Variants in MSL1 observed in about 807,000 individuals in gnomAD.
The protein encoded by MSL1 is MSL complex subunit 1.
Under a neutral mutation model 64.6 loss-of-function variants are expected in MSL1, and 21 were observed. That is an observed-to-expected ratio of 0.33 (90% CI 0.23 to 0.47). The LOEUF (loss-of-function observed/expected upper bound fraction) is 0.47, where lower values mean the gene tolerates loss of function less well. Ranked by LOEUF, MSL1 falls within the 20% of genes least tolerant of loss-of-function variation. The pLI is 1.00. For synonymous variants in MSL1, 339 were observed against 329.6 expected, an observed-to-expected ratio of 1.03 and a Z score of -0.31; for missense variants, 664 against 793.2, an observed-to-expected ratio of 0.84 and a Z score of 1.96.
chr17:40,126,560 G>A (rs1988320314), intron 2 of MSL1, 154 bp downstream of exon 2: 2 of 694,840 alleles, frequency 2.9e-6, no homozygotes, highest in East Asian at 2.7e-5. Context: ...TGTAATCCCA[G>A]CACTTTGGGA....
chr17:40,126,977 A>G (rs1988332024), intron 2 of MSL1: 2 of 153,084 alleles, frequency 1.3e-5, no homozygotes, highest in South Asian at 4.1e-4. Flanking sequence ...TTAAAACTAT[A>G]GCAGTTCACT....
chr17:40,136,763 T>C lies in MSL1; in HGVS notation c.*2394T>C, dbSNP rs1988547716. ...TGTAAATATCTTATAAAGAGTTCAA[T>C]TGTAAATAAACTATTGTGGCTGTTA... On this transcript the variant is annotated 3_prime_UTR_variant, in exon 9 of 9. Transcript: ENST00000398532. The C allele has an allele frequency of 6.6e-6, 1 of 152,390 alleles. No homozygotes were observed. The highest frequency in any genetic ancestry group is 2.4e-5 in the African/African-American group (1 of 41,458). The allele number at this position is 152,390 out of a possible 1,614,324, so 9.4% of individuals were successfully genotyped here. A position where few individuals can be genotyped will look rare whatever the true frequency, so the allele number is the denominator to read the frequency against.
chr17:40,124,825 C>G (rs1031541796), intron 1 of MSL1: 1 of 152,208 alleles, frequency 6.6e-6, no homozygotes, highest in African/African-American at 2.4e-5. Context: ...TAGGGGGGTT[C>G]TCTGCTGATT....
In MSL1 at chr17:40,132,994, A is replaced by G. The variant is rs1293546716; in HGVS notation, c.1489-48A>G. 4 of 1,541,446 alleles carry G rather than the reference A, an allele frequency of 2.6e-6. No individual in the cohort carries two copies. The South Asian group carries it at 4.7e-5, about 18-fold the overall frequency. ...GGAAATTAGTTAGTATATGTGTGTA[A>G]CTAATATATGGTGATAAATAGCTTA... On this transcript the variant is annotated intron_variant, in intron 5 of 8. Transcript: ENST00000398532.
chr17:40,136,691 A>G lies in MSL1; in HGVS notation c.*2322A>G, dbSNP rs1464446602. The G allele has an allele frequency of 2.0e-5, 3 of 152,334 alleles. No homozygotes were observed. 9.4% of individuals were successfully genotyped at this position (152,334 alleles called of 1,614,324 possible). On this transcript the variant is annotated 3_prime_UTR_variant, in exon 9 of 9. Coordinates refer to ENST00000398532, the MANE Select transcript of MSL1 (RefSeq NM_001365919.1). ...CATTTCATATTGTTGTCTGTGTTGT[A>G]ATTCATAACTTTTGATACCATTTCT...
rs112133915 is a variant in MSL1 at position 40,135,839 on chromosome 17, T to TTGTGTGTG, written c.*1487_*1494dup. On this transcript the variant is annotated 3_prime_UTR_variant, in exon 9 of 9. Coordinates refer to ENST00000398532, the MANE Select transcript of MSL1 (RefSeq NM_001365919.1). ...GATCTTGCTGCTCTTATTTCTCCTT[T>TTGTGTGTG]TGTGTGTGTGTGTGTGTGTGTGTGG... 6.7e-6 allele frequency: 1 copy of TTGTGTGTG among 148,838 alleles called. No homozygotes were observed. The highest frequency in any genetic ancestry group is 2.5e-5 in the African/African-American group (1 of 40,628). 9.2% of individuals were successfully genotyped at this position (148,838 alleles called of 1,614,324 possible).
At chr17:40,128,366 A>ATTT (rs1403723890) in intron 2 of MSL1, among the ~76,000 whole-genome samples, 1 of 131,658 alleles carries the variant, frequency 7.6e-6, no homozygotes, top group African/African-American at 3.0e-5. Context: ...GACCTTGAAT[A>ATTT]TTCTTTTTTT....
intron 5 of MSL1, 98 bp from the exon 6 acceptor site, chr17:40,132,944 G>A (rs1988469510): frequency 8.4e-7 from 1 of 1,185,342 alleles, no homozygotes; most frequent in Non-Finnish European, 1.2e-6. Flanking sequence ...ACCGGAAGGT[G>A]AAAGATTTTA....
rs1988401005 is a variant in MSL1 at position 40,129,642 on chromosome 17, A to G, written c.1375+15A>G. 3 of 1,570,662 alleles carry G rather than the reference A, an allele frequency of 1.9e-6. No individual in the cohort carries two copies. Among genetic ancestry groups the G allele is most frequent in the African/African-American group, 1.4e-5 (1 of 73,156 alleles). ...GACTGTAGCAAGTAAGGCATAGAGAACACTTGCTCTTATACCCTAGTGGTG... is the reference window on the plus strand; with the variant it reads ...GACTGTAGCAAGTAAGGCATAGAGAGCACTTGCTCTTATACCCTAGTGGTG... On this transcript the variant is annotated intron_variant, in intron 3 of 8. Coordinates refer to ENST00000398532, the MANE Select transcript of MSL1 (RefSeq NM_001365919.1).
chr17:40,129,657 C>A (rs1309546895), intron 3 of MSL1, 30 bp downstream of exon 3: 1 of 1,518,712 alleles, frequency 6.6e-7, no homozygotes. Context: ...TGCTCTTATA[C>A]CCTAGTGGTG....
In MSL1 at chr17:40,136,007, G is replaced by A. The variant is rs1988533347; in HGVS notation, c.*1638G>A. 6.6e-6 allele frequency: 1 copy of A among 152,264 alleles called. No homozygotes were observed. The highest frequency in any genetic ancestry group is 6.5e-5 in the Admixed American group (1 of 15,270). The allele number at this position is 152,264 out of a possible 1,614,324, so 9.4% of individuals were successfully genotyped here. A position where few individuals can be genotyped will look rare whatever the true frequency, so the allele number is the denominator to read the frequency against. On this transcript the variant is annotated 3_prime_UTR_variant, in exon 9 of 9. Coordinates refer to ENST00000398532, the MANE Select transcript of MSL1 (RefSeq NM_001365919.1). ...GGGCTCTCATCTCACACCTTAAGGA[G>A]GAGATTTCTAGAAAAACTGGGCCAG...
Position 40,122,995 on chromosome 17 carries a change from G to C in MSL1, c.383G>C (p.Arg128Pro). 1.3e-6 allele frequency: 2 copies of C among 1,529,022 alleles called. No homozygotes were observed. The highest frequency in any genetic ancestry group is 1.7e-6 in the Non-Finnish European group (2 of 1,144,494). 94.7% of individuals were successfully genotyped at this position (1,529,022 alleles called of 1,614,324 possible). Residue 128 changes from arginine to proline, a missense_variant, in exon 1 of 9, where the codon CGG (arginine) becomes CCG (proline). This residue lies in a region of MSL1 where 466 missense variants were observed against 499.0 expected (regional missense o/e 0.93). Transcript: ENST00000398532. The surrounding 1 kb of genome is among the most constrained non-coding windows in gnomAD (Gnocchi z 4.2). ...GCAGCCGGAGCCGGCTGCAGCCCCC[G>C]GCCCAAGTATCAGGCGGTGCTGCCC... Reference protein sequence around the residue: ...PAAAGAGCSPRPKYQAVLPIQ... With the variant: ...PAAAGAGCSPPPKYQAVLPIQ...
In MSL1 at chr17:40,131,944, A is replaced by T; in HGVS notation, c.1424-90A>T. On this transcript the variant is annotated intron_variant, in intron 4 of 8. Coordinates refer to ENST00000398532, the MANE Select transcript of MSL1 (RefSeq NM_001365919.1). This position sits in a 1 kb window ranked among gnomAD's most constrained non-coding sequence, Gnocchi z 4.5. ...GTAACTTTGTCTCTTCTGGGGAGAG[A>T]CCTCTTATCCTAGTGAATAGTTGTG... 1 of 904,818 alleles carries T rather than the reference A, an allele frequency of 1.1e-6. No homozygotes were observed. 56.0% of individuals were successfully genotyped at this position (904,818 alleles called of 1,614,324 possible).
chr17:40,131,488 C>CT lies in MSL1; in HGVS notation c.1376-42dup, dbSNP rs751639266. On this transcript the variant is annotated intron_variant, in intron 3 of 8. Coordinates refer to ENST00000398532, the MANE Select transcript of MSL1 (RefSeq NM_001365919.1). This position sits in a 1 kb window ranked among gnomAD's most constrained non-coding sequence, Gnocchi z 4.5. Reference sequence around the variant, plus strand: ...TCCTTTCCTCCATTTGGGGTATGGGCTTTTTTTCTTTTTACACTGAGATTA... The same window carrying CT: ...TCCTTTCCTCCATTTGGGGTATGGGCTTTTTTTTCTTTTTACACTGAGATTA... The CT allele has an allele frequency of 1.1e-4, 172 of 1,562,240 alleles. No individual in the cohort carries two copies. The highest frequency in any genetic ancestry group is 1.5e-4 in the Non-Finnish European group (165 of 1,134,188).
In MSL1 at chr17:40,132,113, G is replaced by T; in HGVS notation, c.1488+15G>T. ...ACCTTTTGGAGGTAGGTAACCAAGAGCACTCAATTGAAGAGAGTAAGAGAT... is the reference window on the plus strand; with the variant it reads ...ACCTTTTGGAGGTAGGTAACCAAGATCACTCAATTGAAGAGAGTAAGAGAT... On this transcript the variant is annotated intron_variant, in intron 5 of 8. Coordinates refer to ENST00000398532, the MANE Select transcript of MSL1 (RefSeq NM_001365919.1). 6.4e-7 allele frequency: 1 copy of T among 1,572,826 alleles called. No homozygotes were observed. The highest frequency in any genetic ancestry group is 8.7e-7 in the Non-Finnish European group (1 of 1,150,192).
chr17:40,134,428 A>AT lies in MSL1; in HGVS notation c.*59_*60insT. On this transcript the variant is annotated 3_prime_UTR_variant, in exon 9 of 9. Transcript: ENST00000398532. ...GTAGCATGCCATTCCCGAGAGTGGC[A>AT]GAGACCTGTATATGTGACCTTTGTC... 4 of 1,398,016 alleles carry AT rather than the reference A, an allele frequency of 2.9e-6. No homozygotes were observed. Among genetic ancestry groups the AT allele is most frequent in the Non-Finnish European group, 4.0e-6 (4 of 1,006,730 alleles). The allele number at this position is 1,398,016 out of a possible 1,614,324, so 86.6% of individuals were successfully genotyped here. A position where few individuals can be genotyped will look rare whatever the true frequency, so the allele number is the denominator to read the frequency against.
In MSL1 at chr17:40,122,908, C is replaced by A; in HGVS notation, c.296C>A (p.Ser99Ter). 1 of 1,490,122 alleles carries A rather than the reference C, an allele frequency of 6.7e-7. No individual in the cohort carries two copies. Among genetic ancestry groups the A allele is most frequent in the South Asian group, 1.3e-5 (1 of 79,470 alleles). 92.3% of individuals were successfully genotyped at this position (1,490,122 alleles called of 1,614,324 possible). Reference sequence around the variant, plus strand: ...CAGCAGGAAGAGAGCTGGGGCGGTTCGGTGCCCTTGCCCTGTCCGCCCCCG... The same window carrying A: ...CAGCAGGAAGAGAGCTGGGGCGGTTAGGTGCCCTTGCCCTGTCCGCCCCCG... ...PGQQEESWGG[S>*]VPLPCPPPAT... Residue 99 changes from serine (S) to a stop codon, truncating the protein, a stop_gained, in exon 1 of 9, where the codon TCG becomes TAG. Transcript: ENST00000398532. LOFTEE classifies it high-confidence loss of function. This position sits in a 1 kb window ranked among gnomAD's most constrained non-coding sequence, Gnocchi z 4.2.
chr17:40,123,280 A>G lies in MSL1; in HGVS notation c.668A>G (p.Lys223Arg). 2 of 1,535,888 alleles carry G rather than the reference A, an allele frequency of 1.3e-6. No homozygotes were observed. Among genetic ancestry groups the G allele is most frequent in the Non-Finnish European group, 1.7e-6 (2 of 1,146,860 alleles). ...GCCTCCAGTCAGGCCGCCTGCCTCA[A>G]ACAGATCCTTCTGCTGCAATTGGAC... ...SGASSQAACL[K>R]QILLLQLDLI... Residue 223 changes from lysine (K) to arginine (R), a missense_variant, in exon 1 of 9, where the codon AAA becomes AGA. Transcript: ENST00000398532.
chr17:40,132,507 G>A (rs1261059482), intron 5 of MSL1, among the ~76,000 whole-genome samples: 4 of 151,924 alleles, frequency 2.6e-5, no homozygotes, highest in Non-Finnish European at 4.4e-5. Flanking sequence ...GCGTGGTGGC[G>A]CACACCTGTA....
Sources: allele counts gnomAD v4.1 joint callset (sites outside exome capture counted in the v4.1 genomes callset), GRCh38; gene constraint gnomAD v4.1.1; regional missense constraint gnomAD v4.1.1; non-coding constraint Gnocchi (gnomAD v3.1); transcripts MANE v1.5; gene names NCBI Gene and HGNC (gene_info 2026-07-23, HGNC 2026-07-21).